SPTBN1: variants seen among roughly 807,000 people sequenced by gnomAD.
SPTBN1 encodes spectrin beta chain, non-erythrocytic 1.
SPTBN1 carries 32 observed loss-of-function variants against 266.4 expected under a neutral mutation model. The observed-to-expected ratio is 0.12, with a 90% CI of 0.09 to 0.16. The LOEUF is 0.16. SPTBN1 is among the 10% of genes least tolerant of loss of function. The pLI is 1.00. For synonymous variants in SPTBN1, 1,336 were observed against 1,162.2 expected (o/e 1.15, Z -3.04); for missense variants, 2,296 against 3,067.1 (o/e 0.75, Z 5.94).
chr2:54,656,811 G>A (rs920806033), intron 29 of SPTBN1, among the ~76,000 whole-genome samples: 4 of 152,220 alleles, frequency 2.6e-5, no homozygotes, highest in South Asian at 2.1e-4. Flanking sequence ...TGGTCTGTAT[G>A]TTTTGAGAAT....
rs192685720 is a variant in SPTBN1 at position 54,471,923 on chromosome 2, T to C, written c.-48+15405T>C. On this transcript the variant is annotated intron_variant, in intron 1 of 35. Transcript: ENST00000356805. ...TTTACTGGACTAATTATTAGCACAT[T>C]ATCTGAAACTTCACTTGTAGTTCTT... Among the ~76,000 whole-genome samples, 1,090 of 142,464 alleles carry C rather than the reference T, an allele frequency of 7.7e-3. 3 individuals are homozygous for C. The highest frequency in any genetic ancestry group is 0.046 in the Middle Eastern group (13 of 284). 93.5% of individuals were successfully genotyped at this position (142,464 alleles called of 152,430 possible).
chr2:54,548,399 G>T (rs1367906914), intron 2 of SPTBN1, among the ~76,000 whole-genome samples: 1 of 152,162 alleles, frequency 6.6e-6, no homozygotes, highest in Non-Finnish European at 1.5e-5. Context: ...TCTCTGAGCT[G>T]GTGCAAGTTG....
rs6755737 is a variant in SPTBN1 at position 54,623,606 on chromosome 2, A to G, written c.1182+10A>G. 0.049 allele frequency: 79,616 copies of G among 1,608,490 alleles called. 2,445 individuals are homozygous for G. Among genetic ancestry groups the G allele is most frequent in the Admixed American group, 0.12 (7,349 of 59,708 alleles). On this transcript the variant is annotated intron_variant, in intron 10 of 35. Transcript: ENST00000356805. ...CTCTGACATCAACAAGGTAAAGTGG[A>G]TCTGGACTCTGCATGGGCCCTGACC... is the stretch of plus-strand genomic sequence containing the variant.
chr2:54,514,575 T>A (rs1670016772), intron 1 of SPTBN1, among the ~76,000 whole-genome samples: 1 of 152,246 alleles, frequency 6.6e-6, no homozygotes, highest in African/African-American at 2.4e-5. Context: ...AAATCTTCAC[T>A]GCTCCCCTAA....
At position 54,527,169 on chromosome 2, in the gene SPTBN1, C is replaced by T. The variant is rs1670865449; in HGVS notation, c.148+603C>T. The T allele has an allele frequency of 2.6e-5, 4 of 152,156 alleles. No individual in the cohort carries two copies. In the South Asian group the frequency reaches 8.3e-4, roughly 32 times the overall value. 9.4% of individuals were successfully genotyped at this position (152,156 alleles called of 1,614,324 possible). The stretch of plus-strand genomic sequence containing the variant: ...CCAGTGAGGGTGAGGAGTGTTTTAC[C>T]CTAAAATTGCCCTGAAAATCAGGAA... On this transcript the variant is annotated intron_variant, in intron 2 of 35. Coordinates refer to ENST00000356805, the MANE Select transcript of SPTBN1 (RefSeq NM_003128.3).
At chr2:54,610,478 T>C (rs1677141059) in intron 3 of SPTBN1, among the ~76,000 whole-genome samples, 1 of 152,218 alleles carries the variant, frequency 6.6e-6, no homozygotes, top group Non-Finnish European at 1.5e-5. Context: ...TTGTCCAGGC[T>C]GGTCTCAAAC....
At position 54,456,516 on chromosome 2, in the gene SPTBN1, G is replaced by A. The variant is rs1368811473; in HGVS notation, c.-50G>A. On this transcript the variant is annotated splice_region_variant and 5_prime_UTR_variant, in exon 1 of 36. Coordinates refer to ENST00000356805, the MANE Select transcript of SPTBN1 (RefSeq NM_003128.3). ...CCCGGCGCCCCCACCCCATCCCCGG[G>A]AGGTAGGTAGGGGGCCCGAGGCAGG... is the stretch of plus-strand genomic sequence containing the variant. 3 of 151,810 alleles carry A rather than the reference G, an allele frequency of 2.0e-5. No individual in the cohort carries two copies. Among genetic ancestry groups the A allele is most frequent in the Admixed American group, 6.6e-5 (1 of 15,266 alleles). 9.4% of individuals were successfully genotyped at this position (151,810 alleles called of 1,614,324 possible). A position where few individuals can be genotyped will look rare whatever the true frequency, so the allele number is the denominator to read the frequency against.
At chr2:54,485,680 C>T (rs568600231) in intron 1 of SPTBN1, among the ~76,000 whole-genome samples, 1 of 151,934 alleles carries the variant, frequency 6.6e-6, no homozygotes, top group Admixed American at 6.5e-5. Context: ...AGCCCCTCTG[C>T]CTGGCTGCCC....
At chr2:54,536,113 C>G (rs1409860640) in intron 2 of SPTBN1, among the ~76,000 whole-genome samples, 2 of 152,160 alleles carry the variant, frequency 1.3e-5, no homozygotes, top group African/African-American at 2.4e-5. Flanking sequence ...TGTTTGGTGT[C>G]TCAGATGGTT....
At chr2:54,528,874 G>C (rs991650227) in intron 2 of SPTBN1, among the ~76,000 whole-genome samples, 3 of 146,492 alleles carry the variant, frequency 2.0e-5, no homozygotes, top group African/African-American at 8.3e-5. Flanking sequence ...GATACTGGAT[G>C]GGGGGGCAGG....
At chr2:54,565,829 C>A (rs762657141) in intron 2 of SPTBN1, among the ~76,000 whole-genome samples, 2 of 152,182 alleles carry the variant, frequency 1.3e-5, no homozygotes, top group Non-Finnish European at 2.9e-5. Flanking sequence ...GCTGTTGTTT[C>A]CATGACTGTA....
intron 35 of SPTBN1, 61 bp downstream of exon 35, chr2:54,667,707 A>G (rs1268562093): frequency 3.4e-6 from 5 of 1,453,532 alleles, no homozygotes; most frequent in African/African-American, 2.8e-5. Flanking sequence ...TTGTGTGATG[A>G]TGGGCTTTAT....
chr2:54,484,692 A>G (rs969593157), intron 1 of SPTBN1, among the ~76,000 whole-genome samples: 2 of 152,198 alleles, frequency 1.3e-5, no homozygotes, highest in Admixed American at 6.5e-5. Flanking sequence ...TCAAAGGACA[A>G]GTAGAGAAGT....
intron 2 of SPTBN1, among the ~76,000 whole-genome samples, chr2:54,593,085 C>G (rs1675796947): frequency 6.6e-6 from 1 of 152,208 alleles, no homozygotes; most frequent in Non-Finnish European, 1.5e-5. Flanking sequence ...ATAATTTACT[C>G]CTTCTGGGAA....
chr2:54,632,482 G>GAAC (rs2103949840), intron 16 of SPTBN1, 84 bp from the exon 17 acceptor site: 1 of 1,357,602 alleles, frequency 7.4e-7, no homozygotes, highest in South Asian at 1.2e-5. Flanking sequence ...AAAGTGTTGT[G>GAAC]AACTATGTTG....
intron 1 of SPTBN1, among the ~76,000 whole-genome samples, chr2:54,499,751 G>C (rs1409478366): frequency 6.6e-6 from 1 of 152,196 alleles, no homozygotes; most frequent in African/African-American, 2.4e-5. Context: ...ATCTGCACAT[G>C]ATTATGAAGC....
At chr2:54,542,479 A>G (rs767148444) in intron 2 of SPTBN1, among the ~76,000 whole-genome samples, 40 of 152,342 alleles carry the variant, frequency 2.6e-4, no homozygotes, top group Middle Eastern at 3.4e-3. Flanking sequence ...ATTAATCTCA[A>G]TATGTAAAAC....
At chr2:54,608,328 G>A (rs1430849983) in intron 3 of SPTBN1, among the ~76,000 whole-genome samples, 3 of 152,320 alleles carry the variant, frequency 2.0e-5, no homozygotes, top group Non-Finnish European at 4.4e-5. Flanking sequence ...GGTCCAGCCT[G>A]TTAGTTGTAG....
intron 1 of SPTBN1, among the ~76,000 whole-genome samples, chr2:54,473,464 T>G (rs975238978): frequency 1.3e-5 from 2 of 152,052 alleles, no homozygotes; most frequent in Admixed American, 6.6e-5. Context: ...ATCAAAATTC[T>G]GTTTTTGCTT....
Sources: allele counts gnomAD v4.1 joint callset (sites outside exome capture counted in the v4.1 genomes callset), GRCh38; gene constraint gnomAD v4.1.1; transcripts MANE v1.5; gene names NCBI Gene and HGNC (gene_info 2026-07-23, HGNC 2026-07-21).